LIPC: variants seen among roughly 807,000 people sequenced by gnomAD.
LIPC encodes the protein lipase C, hepatic type, also known as hepatic triacylglycerol lipase.
A neutral mutation model predicts 50.7 loss-of-function variants in LIPC; 44 were observed. The observed-to-expected ratio is 0.87, with a 90% confidence interval of 0.68 to 1.11. The LOEUF is 1.11. Ranked by LOEUF, LIPC falls within the 50% of genes most tolerant of loss-of-function variation. The probability of loss-of-function intolerance (pLI) is 0.00; values close to 1 mark genes in which losing one functional copy is unlikely to be tolerated. For synonymous variants in LIPC, 271 were observed against 256.4 expected (o/e 1.06, Z -0.54); for missense variants, 697 against 648.2 (o/e 1.08, Z -0.82).
At chr15:58,526,849 C>T (rs1186007581) in intron 1 of LIPC, among the ~76,000 whole-genome samples, 1 of 152,216 alleles carries the variant, frequency 6.6e-6, no homozygotes, top group Non-Finnish European at 1.5e-5. Flanking sequence ...CTTCCTATTT[C>T]CAACTTAGAA....
chr15:58,552,186 C>CG (rs1168913540), intron 6 of LIPC, among the ~76,000 whole-genome samples: 1 of 152,182 alleles, frequency 6.6e-6, no homozygotes, highest in Non-Finnish European at 1.5e-5. Context: ...AAGGGGCCCT[C>CG]GGGGGGCACT....
intron 1 of LIPC, among the ~76,000 whole-genome samples, chr15:58,502,257 G>C (rs1342933256): frequency 3.9e-5 from 6 of 151,938 alleles, no homozygotes; most frequent in African/African-American, 1.5e-4. Context: ...TTCCACACAA[G>C]CTGCTCAGCA....
At chr15:58,508,640 T>C (rs1466983973) in intron 1 of LIPC, among the ~76,000 whole-genome samples, 1 of 152,180 alleles carries the variant, frequency 6.6e-6, no homozygotes, top group Non-Finnish European at 1.5e-5. Context: ...AACAAAAATG[T>C]ATTCATCCCC....
At chr15:58,485,433 G>C (rs1291079203) in intron 1 of LIPC, among the ~76,000 whole-genome samples, 2 of 152,192 alleles carry the variant, frequency 1.3e-5, no homozygotes, top group Admixed American at 6.5e-5. Flanking sequence ...CGGAGGGGAA[G>C]AAAGTCCCGT....
chr15:58,441,890 C>A (rs1181234304), intron 1 of LIPC, among the ~76,000 whole-genome samples: 2 of 152,118 alleles, frequency 1.3e-5, no homozygotes, highest in Non-Finnish European at 2.9e-5. Flanking sequence ...GTGGCCTCCT[C>A]CCTGTCTTGA....
rs141303471 is a variant in LIPC at position 58,543,917 on chromosome 15, G to A, written c.574+1266G>A. On this transcript the variant is annotated intron_variant, in intron 4 of 8. Transcript: ENST00000299022. Reference sequence around the variant, plus strand: ...ATTACAGACGTGAGCCACCACGGCCGGCCATGAGGACATTTTTACAAACAA... The same window carrying A: ...ATTACAGACGTGAGCCACCACGGCCAGCCATGAGGACATTTTTACAAACAA... Among the ~76,000 whole-genome samples, 894 of 152,206 alleles carry A rather than the reference G, an allele frequency of 5.9e-3. 6 individuals are homozygous for A. The highest frequency in any genetic ancestry group is 0.02 in the African/African-American group (842 of 41,526).
At chr15:58,447,540 A>T (rs531058170) in intron 1 of LIPC, among the ~76,000 whole-genome samples, 2 of 152,316 alleles carry the variant, frequency 1.3e-5, no homozygotes, top group Admixed American at 6.5e-5. Flanking sequence ...GCGCATGCAT[A>T]TCATGTTTGC....
intron 1 of LIPC, among the ~76,000 whole-genome samples, chr15:58,482,043 G>A (rs1258768578): frequency 6.6e-6 from 1 of 152,144 alleles, no homozygotes; most frequent in Non-Finnish European, 1.5e-5. Flanking sequence ...ACTATATTCG[G>A]TATTCTCATT....
In LIPC at chr15:58,544,391, C is replaced by CTTTTTTTTTTTTTTTTTTTTTTT. The variant is rs572161614; in HGVS notation, c.575-1348_575-1347insTTTTTTTTTTTTTTTTTTTTTTT. On this transcript the variant is annotated intron_variant, in intron 4 of 8. Transcript: ENST00000299022. The stretch of plus-strand genomic sequence containing the variant: ...CATATCAGGACATTTTTCTTTTTCT[C>CTTTTTTTTTTTTTTTTTTTTTTT]TTTCTTTTTTTTTTTTTTTTTTGAG... Among the ~76,000 whole-genome samples, 9 of 110,272 alleles carry CTTTTTTTTTTTTTTTTTTTTTTT rather than the reference C, an allele frequency of 8.2e-5. 4 individuals carry two copies. The highest frequency in any genetic ancestry group is 9.2e-5 in the Non-Finnish European group (5 of 54,442). The allele number at this position is 110,272 out of a possible 152,430, so 72.3% of individuals were successfully genotyped here.
At position 58,568,970 on chromosome 15, in the gene LIPC, C is replaced by T; in HGVS notation, c.*143C>T. The T allele has an allele frequency of 1.8e-6, 1 of 557,336 alleles. No individual in the cohort carries two copies. The highest frequency in any genetic ancestry group is 3.1e-6 in the Non-Finnish European group (1 of 318,590). 34.5% of individuals were successfully genotyped at this position (557,336 alleles called of 1,614,324 possible). On this transcript the variant is annotated 3_prime_UTR_variant, in exon 9 of 9. Transcript: ENST00000299022. ...AGATTTAAGGGGGGTATGTTTCACT[C>T]TCATAAACTGAGCTTTTAAAAACGA... is the stretch of plus-strand genomic sequence containing the variant.
intron 1 of LIPC, among the ~76,000 whole-genome samples, chr15:58,443,269 G>A (rs1296308304): frequency 1.3e-5 from 2 of 152,112 alleles, no homozygotes; most frequent in Non-Finnish European, 2.9e-5. Context: ...CCGTGGGTCT[G>A]GCCACTACTT....
chr15:58,520,944 G>A (rs1359483279), intron 1 of LIPC, among the ~76,000 whole-genome samples: 1 of 152,198 alleles, frequency 6.6e-6, no homozygotes. Context: ...GAGGGAGAAG[G>A]ACACTGGTTT....
At chr15:58,445,934 A>C (rs1277526728) in intron 1 of LIPC, among the ~76,000 whole-genome samples, 1 of 152,228 alleles carries the variant, frequency 6.6e-6, no homozygotes, top group Non-Finnish European at 1.5e-5. Flanking sequence ...TGCTACTCCC[A>C]GTGTTTTTCT....
At chr15:58,433,815 G>A (rs1428815197) in intron 1 of LIPC, among the ~76,000 whole-genome samples, 1 of 152,200 alleles carries the variant, frequency 6.6e-6, no homozygotes, top group Non-Finnish European at 1.5e-5. Context: ...CTATTAGCAA[G>A]AGGGTTCCTC....
intron 1 of LIPC, among the ~76,000 whole-genome samples, chr15:58,501,402 C>G (rs1369254084): frequency 1.4e-5 from 2 of 138,234 alleles, no homozygotes; most frequent in Non-Finnish European, 3.2e-5. Flanking sequence ...TTTTTGTTTT[C>G]CAGCTCTACC....
chr15:58,546,416 TCA>T (rs1893533697), intron 5 of LIPC, among the ~76,000 whole-genome samples: 1 of 152,194 alleles, frequency 6.6e-6, no homozygotes. Context: ...GATGAAGGTC[TCA>T]CTCTTCATCC....
chr15:58,530,591 A>T (rs1194912253), intron 1 of LIPC, among the ~76,000 whole-genome samples: 2 of 152,248 alleles, frequency 1.3e-5, no homozygotes, highest in African/African-American at 4.8e-5. Context: ...GCACTTGTGT[A>T]ACCATGATCA....
At chr15:58,549,236 C>G (rs1301126565) in intron 6 of LIPC, among the ~76,000 whole-genome samples, 1 of 152,228 alleles carries the variant, frequency 6.6e-6, no homozygotes, top group Non-Finnish European at 1.5e-5. Flanking sequence ...CTGGAGGGAA[C>G]AAGCCGACAT....
chr15:58,496,299 A>G (rs1891761443), intron 1 of LIPC, among the ~76,000 whole-genome samples: 1 of 152,138 alleles, frequency 6.6e-6, no homozygotes, highest in South Asian at 2.1e-4. Flanking sequence ...TGTGGCCCAA[A>G]ATGTCAATAG....
Sources: gnomAD v4.1 joint callset for allele counts (sites outside exome capture counted in the v4.1 genomes callset) on GRCh38, gnomAD v4.1.1 for gene constraint, MANE v1.5 for transcripts, NCBI Gene and HGNC (gene_info 2026-07-23, HGNC 2026-07-21) for gene names.